DHX57: variants seen among roughly 807,000 people sequenced by gnomAD.
DHX57 encodes DExH-box helicase 57.
Under a neutral mutation model 156.2 loss-of-function variants are expected in DHX57, and 105 were observed. The ratio of observed to expected loss-of-function variants is 0.67; its 90% CI spans 0.57 to 0.79. The LOEUF (loss-of-function observed/expected upper bound fraction) is 0.79, where lower values mean the gene tolerates loss of function less well. Ranked by LOEUF, DHX57 falls within the 30% of genes least tolerant of loss-of-function variation. The pLI, the probability that DHX57 is intolerant of heterozygous loss-of-function variation, is 0.00. For synonymous variants in DHX57, 704 were observed against 595.6 expected (o/e 1.18, Z -2.65); for missense variants, 1,847 against 1,661.9 (o/e 1.11, Z -1.94).
intron 12 of DHX57, among the ~76,000 whole-genome samples, chr2:38,838,541 C>G (rs1281700122): frequency 4.6e-5 from 7 of 152,198 alleles, no homozygotes; most frequent in African/African-American, 9.7e-5. Context: ...CCTCTTTTAC[C>G]CTTCAAATAT....
chr2:38,821,680 G>A (rs1035340277), intron 17 of DHX57, among the ~76,000 whole-genome samples: 7 of 152,022 alleles, frequency 4.6e-5, no homozygotes, highest in South Asian at 2.1e-4. Flanking sequence ...GCAACAGAGC[G>A]AGACCCCATC....
In DHX57 at chr2:38,861,086, C is replaced by G; in HGVS notation, c.1324G>C (p.Val442Leu). 6.2e-7 allele frequency: 1 copy of G among 1,614,178 alleles called. No individual in the cohort carries two copies. The highest frequency in any genetic ancestry group is 8.5e-7 in the Non-Finnish European group (1 of 1,180,038). ...YSDPPVNFLP[V>L]PSRTRINNPA... ...TTATTTATTCTGGTCCTAGAGGGTA[C>G]TGGCAGAAAGTTCACAGGAGGGTCA... The change falls in exon 5 of 24, where the codon GTA (valine) becomes CTA (leucine). Residue 442 changes from valine (V) to leucine (L), a missense_variant. Transcript: ENST00000457308.
At chr2:38,851,141 CTA>C (rs1672570636) in intron 9 of DHX57, among the ~76,000 whole-genome samples, 1 of 152,160 alleles carries the variant, frequency 6.6e-6, no homozygotes, top group African/African-American at 2.4e-5. Context: ...CACAACAAAA[CTA>C]TATAATCCCA....
chr2:38,826,426 T>C, intron 15 of DHX57, 90 bp downstream of exon 15: 1 of 1,423,780 alleles, frequency 7.0e-7, no homozygotes, highest in Non-Finnish European at 9.7e-7. Context: ...CAGTAATCCG[T>C]GTAGCTTAAT....
intron 12 of DHX57, chr2:38,838,818 A>G (rs1671824572): frequency 2.2e-6 from 1 of 456,186 alleles, no homozygotes; most frequent in African/African-American, 2.0e-5. Flanking sequence ...ACACCCACGG[A>G]GTCTACTCAT....
intron 12 of DHX57, among the ~76,000 whole-genome samples, chr2:38,841,268 C>A (rs1369861298): frequency 1.3e-5 from 2 of 152,168 alleles, no homozygotes; most frequent in African/African-American, 4.8e-5. Context: ...TGGGCACTAT[C>A]CTTGTGGGTT....
chr2:38,822,107 G>T (rs577428731), intron 17 of DHX57, among the ~76,000 whole-genome samples: 1 of 151,760 alleles, frequency 6.6e-6, no homozygotes, highest in Non-Finnish European at 1.5e-5. Flanking sequence ...TTTTTGAGAC[G>T]GAATTTCGCT....
At chr2:38,811,210 C>A in intron 21 of DHX57, 1 of 495,564 alleles carries the variant, frequency 2.0e-6, no homozygotes, top group Non-Finnish European at 3.9e-6. Flanking sequence ...CACTGCGGCC[C>A]TTGGACTGGT....
Position 38,875,847 on chromosome 2 carries a change from T to G in DHX57, c.-67A>C, listed in dbSNP as rs1665590409. 2 of 393,684 alleles carry G rather than the reference T, an allele frequency of 5.1e-6. 1 individual carries two copies. The highest frequency in any genetic ancestry group is 2.9e-4 in the South Asian group (2 of 6,956). 24.4% of individuals were successfully genotyped at this position (393,684 alleles called of 1,614,324 possible). On this transcript the variant is annotated 5_prime_UTR_variant, in exon 1 of 24. Transcript: ENST00000457308. ...GGAGGTGCTGCCCAAGGGTCAGAGG[T>G]CCAAACTGGACTTGGCCACCCTCAC...
At chr2:38,848,647 T>C (rs572115533) in intron 9 of DHX57, among the ~76,000 whole-genome samples, 3 of 152,344 alleles carry the variant, frequency 2.0e-5, no homozygotes, top group African/African-American at 4.8e-5. Context: ...GATTTTAGAA[T>C]AGTTGCATAT....
At chr2:38,811,553 G>T in intron 21 of DHX57, 1 of 1,206,726 alleles carries the variant, frequency 8.3e-7, no homozygotes, top group Non-Finnish European at 1.2e-6. Flanking sequence ...CATTGGCCAG[G>T]TAGGCAATAA....
chr2:38,809,260 C>T (rs1456077584), intron 21 of DHX57, among the ~76,000 whole-genome samples: 1 of 151,968 alleles, frequency 6.6e-6, no homozygotes, highest in Admixed American at 6.6e-5. Context: ...GCTGGGACTA[C>T]AGGCATGTAC....
chr2:38,826,436 T>C, intron 15 of DHX57, 80 bp downstream of exon 15: 1 of 1,482,680 alleles, frequency 6.7e-7, no homozygotes, highest in Non-Finnish European at 9.2e-7. Context: ...TGTAGCTTAA[T>C]AGCATTAGCC....
In DHX57 at chr2:38,802,906, A is replaced by G; in HGVS notation, c.3826T>C (p.Phe1276Leu). The G allele has an allele frequency of 6.2e-7, 1 of 1,614,134 alleles. No individual in the cohort carries two copies. Among genetic ancestry groups the G allele is most frequent in the Non-Finnish European group, 8.5e-7 (1 of 1,180,022 alleles). The change falls in exon 23 of 24, where the codon TTT (phenylalanine) becomes CTT (leucine). Residue 1276 changes from phenylalanine to leucine, a missense_variant. Transcript: ENST00000457308. ...PSSVNYQVRH[F>L]DSPYLLYHEK... is the part of the protein sequence containing the mutation. ...TGGTACAACAGGTAGGGGCTGTCAA[A>G]GTGTCTCACCTGTAACAAAAAACCT...
intron 11 of DHX57, among the ~76,000 whole-genome samples, chr2:38,845,636 G>A (rs112038311): frequency 5.9e-5 from 9 of 152,186 alleles, no homozygotes; most frequent in African/African-American, 2.2e-4. Flanking sequence ...GGTAGCCAAG[G>A]GAGAGTTAAT....
intron 2 of DHX57, among the ~76,000 whole-genome samples, chr2:38,865,801 G>T (rs1474046081): frequency 6.6e-6 from 1 of 152,110 alleles, no homozygotes; most frequent in Non-Finnish European, 1.5e-5. Flanking sequence ...CTCCAGCCTA[G>T]ATCTTTTTCT....
intron 21 of DHX57, among the ~76,000 whole-genome samples, chr2:38,807,145 C>T (rs543168681): frequency 6.6e-6 from 1 of 152,084 alleles, no homozygotes; most frequent in African/African-American, 2.4e-5. Context: ...ACCTCCGCCT[C>T]CCAGGTTCAT....
chr2:38,815,472 AT>A (rs1399421926), intron 20 of DHX57, 48 bp downstream of exon 20: 2 of 1,611,126 alleles, frequency 1.2e-6, no homozygotes. Context: ...TTAAGATTGT[AT>A]TTAGGTGCTA....
intron 6 of DHX57, among the ~76,000 whole-genome samples, chr2:38,857,465 C>G (rs12373604): frequency 0.55 from 83,800 of 152,036 alleles, 24,742 homozygotes; most frequent in East Asian, 0.81. Flanking sequence ...TTATCATAAA[C>G]TTATCACACT....
Sources: gnomAD v4.1 joint callset for allele counts (sites outside exome capture counted in the v4.1 genomes callset) on GRCh38, gnomAD v4.1.1 for gene constraint, MANE v1.5 for transcripts, NCBI Gene and HGNC (gene_info 2026-07-23, HGNC 2026-07-21) for gene names.